OR6C1: variants seen among roughly 807,000 people sequenced by gnomAD.
The protein encoded by OR6C1 is olfactory receptor 6C1.
For missense variants in OR6C1, 386 were observed against 366.1 expected (o/e 1.05, Z -0.44); for synonymous variants, 157 against 133.3 (o/e 1.18, Z -1.22).
intron 1 of OR6C1, among the ~76,000 whole-genome samples, chr12:55,317,578 C>T (rs1868431086): frequency 6.6e-6 from 1 of 151,878 alleles, no homozygotes. Flanking sequence ...GCACTGATGG[C>T]AGTGTGTGAT....
chr12:55,316,215 T>C (rs1290352175), intron 1 of OR6C1, among the ~76,000 whole-genome samples: 2 of 151,384 alleles, frequency 1.3e-5, no homozygotes, highest in Non-Finnish European at 3.0e-5. Flanking sequence ...CAAACTGATT[T>C]AGTCTCTAAC....
Position 55,321,227 on chromosome 12 carries a change from G to A in OR6C1, c.628G>A (p.Ala210Thr). ...TGCGTTTACTCTAATGTTCACTTTGGCATTAATATTTCTGTCCTACATATA... is the reference window on the plus strand; with the variant it reads ...TGCGTTTACTCTAATGTTCACTTTGACATTAATATTTCTGTCCTACATATA... The part of the protein sequence containing the change: ...CAAFTLMFTL[A>T]LIFLSYIYII... The change falls in exon 2 of 2, where the codon GCA (alanine) becomes ACA (threonine). Residue 210 changes from alanine to threonine, a missense_variant. Transcript: ENST00000642104. 6.2e-7 allele frequency: 1 copy of A among 1,613,812 alleles called. No homozygotes were observed. Among genetic ancestry groups the A allele is most frequent in the Non-Finnish European group, 8.5e-7 (1 of 1,179,836 alleles).
At chr12:55,315,346 G>A (rs992724030) in intron 1 of OR6C1, among the ~76,000 whole-genome samples, 1 of 151,642 alleles carries the variant, frequency 6.6e-6, no homozygotes. Flanking sequence ...GAAATTAACA[G>A]TGTGTTAATA....
rs114000532 is a variant in OR6C1, at chr12:55,319,614, A to T, written c.-33-953A>T. On this transcript the variant is annotated intron_variant, in intron 1 of 1. Coordinates refer to ENST00000642104, the MANE Select transcript of OR6C1 (RefSeq NM_001005182.2). ...GAGTAAAACTACCCATAGGATACCCATAGGATCACAGCAGGTGATTTCAGC... is the reference window on the plus strand; with the variant it reads ...GAGTAAAACTACCCATAGGATACCCTTAGGATCACAGCAGGTGATTTCAGC... Among the ~76,000 whole-genome samples the T allele has an allele frequency of 2.5e-3, 381 of 152,338 alleles. 2 individuals carry two copies. Among genetic ancestry groups the T allele is most frequent in the African/African-American group, 8.9e-3 (369 of 41,580 alleles).
chr12:55,315,896 G>T (rs1868399894), intron 1 of OR6C1, among the ~76,000 whole-genome samples: 1 of 150,730 alleles, frequency 6.6e-6, no homozygotes, highest in Non-Finnish European at 1.5e-5. Context: ...AAGCTCTAAA[G>T]TTGAAAAAAA....
At chr12:55,314,854 G>A (rs531324738) in intron 1 of OR6C1, among the ~76,000 whole-genome samples, 1 of 151,662 alleles carries the variant, frequency 6.6e-6, no homozygotes, top group South Asian at 2.1e-4. Context: ...TAAGAGAAGA[G>A]GCTAAGTCGT....
At chr12:55,314,893 A>G (rs1342792750) in intron 1 of OR6C1, among the ~76,000 whole-genome samples, 3 of 151,634 alleles carry the variant, frequency 2.0e-5, no homozygotes, top group East Asian at 1.9e-4. Flanking sequence ...TTGCCTAGCT[A>G]TATGAATTAA....
At chr12:55,315,102 A>G (rs1249139062) in intron 1 of OR6C1, among the ~76,000 whole-genome samples, 1 of 151,712 alleles carries the variant, frequency 6.6e-6, no homozygotes, top group Non-Finnish European at 1.5e-5. Context: ...AACTATTCCT[A>G]GAACCTACTA....
chr12:55,316,287 G>A (rs966136830), intron 1 of OR6C1, among the ~76,000 whole-genome samples: 1 of 151,672 alleles, frequency 6.6e-6, no homozygotes, highest in African/African-American at 2.4e-5. Flanking sequence ...TATTTAAGGG[G>A]TCATCGTTAA....
intron 1 of OR6C1, among the ~76,000 whole-genome samples, chr12:55,316,510 G>A (rs1053455235): frequency 1.3e-5 from 2 of 151,800 alleles, no homozygotes; most frequent in Admixed American, 1.3e-4. Context: ...TATTCTTCCA[G>A]GAGAAAATAT....
intron 1 of OR6C1, among the ~76,000 whole-genome samples, chr12:55,318,857 A>G (rs1025686116): frequency 1.3e-5 from 2 of 151,554 alleles, no homozygotes; most frequent in African/African-American, 4.8e-5. Flanking sequence ...GACGTAGTAA[A>G]TGGGTTGGAT....
Position 55,321,676 on chromosome 12 carries a change from T to C in OR6C1, c.*138T>C, listed in dbSNP as rs1343826064. ...AAAGTTTGCAAGCATATTTATTTAA[T>C]ATATTTCTCATTTGACTTAAAATAA... On this transcript the variant is annotated 3_prime_UTR_variant, in exon 2 of 2. Transcript: ENST00000642104. 2 of 480,242 alleles carry C rather than the reference T, an allele frequency of 4.2e-6. No homozygotes were observed. The highest frequency in any genetic ancestry group is 7.1e-6 in the Non-Finnish European group (2 of 282,662). 29.7% of individuals were successfully genotyped at this position (480,242 alleles called of 1,614,324 possible).
intron 1 of OR6C1, among the ~76,000 whole-genome samples, chr12:55,317,054 G>T (rs1868421976): frequency 1.3e-5 from 2 of 151,810 alleles, no homozygotes; most frequent in African/African-American, 4.8e-5. Flanking sequence ...GTTGAAATAA[G>T]GTGAATAATA....
rs1345799011 is a variant in OR6C1 at position 55,322,170 on chromosome 12, T to A, written c.*632T>A. 1.3e-5 allele frequency: 2 copies of A among 152,020 alleles called. No individual in the cohort carries two copies. Among genetic ancestry groups the A allele is most frequent in the Non-Finnish European group, 2.9e-5 (2 of 67,944 alleles). 9.4% of individuals were successfully genotyped at this position (152,020 alleles called of 1,614,324 possible). On this transcript the variant is annotated 3_prime_UTR_variant, in exon 2 of 2. Transcript: ENST00000642104. The stretch of plus-strand genomic sequence containing the variant: ...AATATTCTCTCTGTAGAATGACAGA[T>A]GATGGATAGACACATATGCAAATAC...
chr12:55,318,461 T>C (rs1335389603), intron 1 of OR6C1, among the ~76,000 whole-genome samples: 1 of 151,868 alleles, frequency 6.6e-6, no homozygotes, highest in East Asian at 1.9e-4. Flanking sequence ...TATTACTATT[T>C]ATTTAAGTCA....
At chr12:55,315,578 T>A (rs542848451) in intron 1 of OR6C1, among the ~76,000 whole-genome samples, 43 of 151,874 alleles carry the variant, frequency 2.8e-4, no homozygotes, top group African/African-American at 1.0e-3. Flanking sequence ...AACCTGCCCA[T>A]CATTATCGAA....
At position 55,320,706 on chromosome 12, in the gene OR6C1, G is replaced by A; in HGVS notation, c.107G>A (p.Ser36Asn). 4 of 1,613,780 alleles carry A rather than the reference G, an allele frequency of 2.5e-6. No homozygotes were observed. Among genetic ancestry groups the A allele is most frequent in the Non-Finnish European group, 3.4e-6 (4 of 1,179,802 alleles). ...FVFLLITYMLSITGNLTLITI... is the reference protein window; with the variant it reads ...FVFLLITYMLNITGNLTLITI... ...TTCCTGCTCATCACCTACATGCTCA[G>A]CATCACTGGGAACCTGACCCTTATC... The change falls in exon 2 of 2, where the codon AGC (serine) becomes AAC (asparagine). Residue 36 changes from serine (S) to asparagine (N), a missense_variant. Physicochemically the swap from Ser to Asn is conservative, Grantham distance 46 (BLOSUM62 1). Coordinates refer to ENST00000642104, the MANE Select transcript of OR6C1 (RefSeq NM_001005182.2).
In OR6C1 at chr12:55,321,077, T is replaced by C; in HGVS notation, c.478T>C (p.Leu160=). 6.2e-7 allele frequency: 1 copy of C among 1,613,592 alleles called. No homozygotes were observed. Among genetic ancestry groups the C allele is most frequent in the South Asian group, 1.1e-5 (1 of 91,062 alleles). Residue 160 remains leucine (L), a synonymous_variant, in exon 2 of 2, where the codon TTG becomes CTG. Coordinates refer to ENST00000642104, the MANE Select transcript of OR6C1 (RefSeq NM_001005182.2). ...SFLIIFPALM[L]LLKLHYCRSN... ...CTTAATCATATTCCCAGCACTCATG[T>C]TGCTTTTAAAGCTTCATTACTGTAG...
At chr12:55,316,728 C>A (rs958983305) in intron 1 of OR6C1, among the ~76,000 whole-genome samples, 4 of 151,894 alleles carry the variant, frequency 2.6e-5, no homozygotes, top group Admixed American at 2.6e-4. Context: ...GAATACAATT[C>A]ATTAAACTTT....
Sources: gnomAD v4.1 joint callset for allele counts (sites outside exome capture counted in the v4.1 genomes callset) on GRCh38, gnomAD v4.1.1 for gene constraint, MANE v1.5 for transcripts, NCBI Gene and HGNC (gene_info 2026-07-23, HGNC 2026-07-21) for gene names.